The following MAP4K3 variants were observed in gnomAD, a reference collection of about 807,000 sequenced individuals.
The protein encoded by MAP4K3 is mitogen-activated protein kinase kinase kinase kinase 3, also known as MAPK/ERK kinase kinase kinase 3.
In MAP4K3, 94 loss-of-function variants were observed where a neutral mutation model predicts 143.5. The observed-to-expected ratio is 0.65, with a 90% confidence interval of 0.55 to 0.78. MAP4K3 has a LOEUF of 0.78. Ranked by LOEUF, MAP4K3 falls within the 30% of genes least tolerant of loss-of-function variation. MAP4K3 has a pLI of 0.00. For missense variants in MAP4K3, 1,077 were observed against 1,068.1 expected, an observed-to-expected ratio of 1.01 and a Z score of -0.12; for synonymous variants, 416 against 347.2, an observed-to-expected ratio of 1.20 and a Z score of -2.20.
chr2:39,390,547 G>A (rs1327202913), intron 1 of MAP4K3, among the ~76,000 whole-genome samples: 1 of 152,120 alleles, frequency 6.6e-6, no homozygotes, highest in Non-Finnish European at 1.5e-5. Context: ...TAATAAGCGT[G>A]AAATGGCAGA....
intron 19 of MAP4K3, among the ~76,000 whole-genome samples, chr2:39,289,246 T>C (rs1681928800): frequency 6.6e-6 from 1 of 152,184 alleles, no homozygotes; most frequent in African/African-American, 2.4e-5. Context: ...TCTTTACTTC[T>C]GCTATGATAA....
intron 13 of MAP4K3, among the ~76,000 whole-genome samples, chr2:39,313,034 C>T (rs962492539): frequency 6.6e-6 from 1 of 152,144 alleles, no homozygotes; most frequent in African/African-American, 2.4e-5. Context: ...GAATGCATTT[C>T]CAGAAAGGGA....
intron 2 of MAP4K3, among the ~76,000 whole-genome samples, chr2:39,363,090 C>A (rs909190057): frequency 6.6e-6 from 1 of 152,082 alleles, no homozygotes; most frequent in East Asian, 1.9e-4. Context: ...AAATGCAAGG[C>A]CTGAAACCAT....
At chr2:39,301,628 G>C (rs1367057856) in intron 15 of MAP4K3, among the ~76,000 whole-genome samples, 1 of 152,226 alleles carries the variant, frequency 6.6e-6, no homozygotes, top group Admixed American at 6.5e-5. Context: ...ACACAGATGT[G>C]TCATAAAAAT....
chr2:39,411,537 T>G lies in MAP4K3; in HGVS notation c.96+25355A>C, dbSNP rs114274393. 2.7e-3 allele frequency among the ~76,000 whole-genome samples: 404 copies of G among 152,386 alleles called. 2 individuals carry two copies. The highest frequency in any genetic ancestry group is 9.3e-3 in the African/African-American group (386 of 41,602). The stretch of plus-strand genomic sequence containing the variant: ...AGATATGGTTTATGCTTATGCTTAA[T>G]GTCTTTGCTAGACGATTAAACTACA... On this transcript the variant is annotated intron_variant, in intron 1 of 33. Coordinates refer to ENST00000263881, the MANE Select transcript of MAP4K3 (RefSeq NM_003618.4).
At chr2:39,254,922 A>G (rs952863085) in intron 31 of MAP4K3, among the ~76,000 whole-genome samples, 6 of 152,136 alleles carry the variant, frequency 3.9e-5, no homozygotes, top group Admixed American at 6.5e-5. Context: ...AAAATACAGA[A>G]AACAGCACAA....
chr2:39,255,179 C>T (rs905621089), intron 31 of MAP4K3, among the ~76,000 whole-genome samples: 4 of 152,098 alleles, frequency 2.6e-5, no homozygotes, highest in African/African-American at 9.7e-5. Flanking sequence ...AACCTTCATA[C>T]ATTCAGTAAG....
At chr2:39,329,807 T>C (rs996498149) in intron 8 of MAP4K3, among the ~76,000 whole-genome samples, 4 of 152,162 alleles carry the variant, frequency 2.6e-5, no homozygotes, top group African/African-American at 9.7e-5. Context: ...TGACCAGTTC[T>C]AGAACATAAC....
chr2:39,386,577 A>C (rs1411455424), intron 1 of MAP4K3, among the ~76,000 whole-genome samples: 1 of 152,168 alleles, frequency 6.6e-6, no homozygotes, highest in African/African-American at 2.4e-5. Context: ...ATTTTTGTGT[A>C]AGGTGTACAG....
At chr2:39,251,946 A>C in intron 32 of MAP4K3, 61 bp from the exon 33 acceptor site, 2 of 1,040,008 alleles carry the variant, frequency 1.9e-6, no homozygotes, top group Non-Finnish European at 3.0e-6. Context: ...TTTAATGGGC[A>C]CTTCATTATA....
intron 1 of MAP4K3, among the ~76,000 whole-genome samples, chr2:39,378,507 T>C (rs756235818): frequency 1.1e-4 from 16 of 152,312 alleles, no homozygotes; most frequent in Non-Finnish European, 2.1e-4. Flanking sequence ...ATACAGCCAG[T>C]GAGTCGACAG....
chr2:39,305,164 C>T (rs1682657274), intron 15 of MAP4K3, among the ~76,000 whole-genome samples: 1 of 152,078 alleles, frequency 6.6e-6, no homozygotes. Context: ...TGTGAATGTA[C>T]ATAATGCCAC....
intron 6 of MAP4K3, 82 bp from the exon 7 acceptor site, chr2:39,333,656 A>T: frequency 4.2e-6 from 3 of 706,286 alleles, no homozygotes; most frequent in Non-Finnish European, 7.1e-6. Context: ...TACATATTTA[A>T]AATAATCACA....
chr2:39,307,895 T>C (rs763071277), intron 15 of MAP4K3, 48 bp downstream of exon 15: 3 of 1,388,356 alleles, frequency 2.2e-6, no homozygotes, highest in Non-Finnish European at 2.9e-6. Context: ...AAGAAAACAA[T>C]TAAGACTAAA....
chr2:39,436,827 G>T (rs944243742), intron 1 of MAP4K3, 65 bp downstream of exon 1: 73 of 1,421,868 alleles, frequency 5.1e-5, no homozygotes, highest in Admixed American at 7.5e-5. Context: ...CAAGGGCTCG[G>T]ACGCCCAGGC....
At chr2:39,275,681 T>C (rs557269792) in intron 24 of MAP4K3, among the ~76,000 whole-genome samples, 2 of 152,292 alleles carry the variant, frequency 1.3e-5, no homozygotes, top group African/African-American at 4.8e-5. Context: ...TTTTCCTCCC[T>C]TTCCCTGTTC....
At chr2:39,430,629 TA>T (rs933839537) in intron 1 of MAP4K3, among the ~76,000 whole-genome samples, 5 of 151,840 alleles carry the variant, frequency 3.3e-5, no homozygotes, top group Non-Finnish European at 7.4e-5. Flanking sequence ...AATCGTATTT[TA>T]AAAAAAACAA....
At chr2:39,305,893 A>C (rs1682685201) in intron 15 of MAP4K3, among the ~76,000 whole-genome samples, 1 of 151,844 alleles carries the variant, frequency 6.6e-6, no homozygotes, top group Non-Finnish European at 1.5e-5. Context: ...GCAATGGCAC[A>C]ATCTTGGCTC....
At chr2:39,267,388 A>T in intron 26 of MAP4K3, 141 bp from the exon 27 acceptor site, 1 of 657,568 alleles carries the variant, frequency 1.5e-6, no homozygotes, top group Non-Finnish European at 2.6e-6. Context: ...TTAGAATAAA[A>T]AGGCCGGGTG....
Sources: gnomAD v4.1 joint callset for allele counts (sites outside exome capture counted in the v4.1 genomes callset) on GRCh38, gnomAD v4.1.1 for gene constraint, MANE v1.5 for transcripts, NCBI Gene and HGNC (gene_info 2026-07-23, HGNC 2026-07-21) for gene names.